The following PALM variants were observed in gnomAD, a reference collection of about 807,000 sequenced individuals.
PALM encodes paralemmin-1.
Under a neutral mutation model 30.7 loss-of-function variants are expected in PALM, and 18 were observed. The observed-to-expected ratio is 0.59, with a 90% CI of 0.41 to 0.87. The LOEUF is 0.87. PALM is among the 40% of genes least tolerant of loss of function. The pLI is 0.00. For synonymous variants in PALM, 286 were observed against 242.8 expected (o/e 1.18, Z -1.66); for missense variants, 529 against 555.4 (o/e 0.95, Z 0.48).
chr19:729,666 T>G (rs1219385019), intron 4 of PALM, among the ~76,000 whole-genome samples: 1 of 151,956 alleles, frequency 6.6e-6, no homozygotes, highest in East Asian at 2.0e-4. Flanking sequence ...TTCACCATGT[T>G]GGTTAGGCTG....
In PALM at chr19:726,161, C is replaced by A. The variant is rs1467966949; in HGVS notation, c.29C>A (p.Ser10Tyr). 3 of 1,613,232 alleles carry A rather than the reference C, an allele frequency of 1.9e-6. No individual in the cohort carries two copies. ...AGGGTCCTGGCGGCAGAGACCACGT[C>A]CCAGCAGGAGCGGCTGCAGGCCATC... Reference protein sequence around the residue: MEVLAAETTSQQERLQAIAE... With the variant: MEVLAAETTYQQERLQAIAE... Residue 10 changes from serine (S) to tyrosine (Y), a missense_variant, in exon 2 of 9, where the codon TCC (serine) becomes TAC (tyrosine). Physicochemically the swap from Ser to Tyr is moderately radical, Grantham distance 144 (BLOSUM62 -2). Transcript: ENST00000338448.
intron 1 of PALM, among the ~76,000 whole-genome samples, chr19:717,362 G>A (rs569582548): frequency 2.5e-4 from 38 of 151,942 alleles, no homozygotes; most frequent in Admixed American, 1.4e-3. Flanking sequence ...TCTCTGGATC[G>A]GCAGGTCCTG....
Position 717,398 on chromosome 19 carries a change from C to T in PALM, c.5+8247C>T, listed in dbSNP as rs72486332. On this transcript the variant is annotated intron_variant, in intron 1 of 8. Coordinates refer to ENST00000338448, the MANE Select transcript of PALM (RefSeq NM_002579.3). ...GACATTTCGTAGACATGGGATCACA[C>T]GCTGCGTGGCCTTCTGTGTCTGGCG... Among the ~76,000 whole-genome samples, 15 of 152,164 alleles carry T rather than the reference C, an allele frequency of 9.9e-5. No individual in the cohort carries two copies. In the East Asian group the frequency reaches 2.1e-3, roughly 22 times the overall value.
At chr19:716,416 A>G (rs971513073) in intron 1 of PALM, among the ~76,000 whole-genome samples, 1 of 151,706 alleles carries the variant, frequency 6.6e-6, no homozygotes, top group African/African-American at 2.4e-5. Context: ...TCTCTCAAAA[A>G]AAAAAAAAAA....
rs550016342 is a variant in PALM, at chr19:719,827, C to A, written c.6-6311C>A. On this transcript the variant is annotated intron_variant, in intron 1 of 8. Transcript: ENST00000338448. The stretch of plus-strand genomic sequence containing the variant: ...CCGCCCTGCCCGGCCTCAGTTTCCC[C>A]GTCGGTGAAATGGGGCTGACCCGGC... Among the ~76,000 whole-genome samples the A allele has an allele frequency of 1.5e-3, 223 of 152,230 alleles. 1 individual carries two copies. The highest frequency in any genetic ancestry group is 5.2e-3 in the African/African-American group (216 of 41,550).
intron 5 of PALM, among the ~76,000 whole-genome samples, chr19:733,016 T>G (rs1307008610): frequency 6.6e-6 from 1 of 151,732 alleles, no homozygotes; most frequent in Non-Finnish European, 1.5e-5. Context: ...AACCTCTACC[T>G]CCTGGGTTCA....
chr19:745,887 C>T (rs375897615), intron 8 of PALM, among the ~76,000 whole-genome samples: 4 of 151,702 alleles, frequency 2.6e-5, no homozygotes, highest in East Asian at 3.9e-4. Flanking sequence ...GGAGAAACCC[C>T]GTCTCTACTA....
intron 1 of PALM, chr19:719,435 C>T: frequency 1.0e-6 from 1 of 985,406 alleles, no homozygotes; most frequent in Middle Eastern, 5.2e-4. Context: ...CCGTAAAAAG[C>T]ATCGCGGGGA....
Position 727,103 on chromosome 19 carries a change from G to T in PALM, c.138+15G>T. On this transcript the variant is annotated intron_variant, in intron 3 of 8. Coordinates refer to ENST00000338448, the MANE Select transcript of PALM (RefSeq NM_002579.3). ...AGCACCTGAAGGTACGAGCGGGGCA[G>T]GGACCCAGGGTCAGGGAGTGCAGGC... is the stretch of plus-strand genomic sequence containing the variant. The T allele has an allele frequency of 6.6e-7, 1 of 1,521,776 alleles. No homozygotes were observed. Among genetic ancestry groups the T allele is most frequent in the Non-Finnish European group, 8.9e-7 (1 of 1,121,650 alleles). 94.3% of individuals were successfully genotyped at this position (1,521,776 alleles called of 1,614,324 possible). A position where few individuals can be genotyped will look rare whatever the true frequency, so the allele number is the denominator to read the frequency against.
At chr19:727,261 C>T (rs1178852816) in intron 3 of PALM, among the ~76,000 whole-genome samples, 173 bp downstream of exon 3, 3 of 89,844 alleles carry the variant, frequency 3.3e-5, no homozygotes, top group Non-Finnish European at 7.2e-5. Flanking sequence ...ACCCTGACCC[C>T]AACCTGACCC....
chr19:738,010 G>A (rs889681887), intron 7 of PALM, among the ~76,000 whole-genome samples: 5 of 152,266 alleles, frequency 3.3e-5, no homozygotes, highest in African/African-American at 1.2e-4. Context: ...GGGGGAGGAG[G>A]CTGGGATGGG....
At position 709,237 on chromosome 19, in the gene PALM, T is replaced by C. The variant is rs532061556; in HGVS notation, c.5+86T>C. On this transcript the variant is annotated intron_variant, in intron 1 of 8. Transcript: ENST00000338448. This position sits in a 1 kb window ranked among gnomAD's most constrained non-coding sequence, Gnocchi z 4.3. ...GGGAGGCCCCCTCTCTCGCGCCCCATTGGGGGCGTCGCTGCCCCCGCGAGG... is the reference window on the plus strand; with the variant it reads ...GGGAGGCCCCCTCTCTCGCGCCCCACTGGGGGCGTCGCTGCCCCCGCGAGG... 400 of 260,536 alleles carry C rather than the reference T, an allele frequency of 1.5e-3. 3 individuals carry two copies. In the East Asian group the frequency reaches 0.018, roughly 12 times the overall value. 16.1% of individuals were successfully genotyped at this position (260,536 alleles called of 1,614,324 possible). A position where few individuals can be genotyped will look rare whatever the true frequency, so the allele number is the denominator to read the frequency against.
rs1351408664 is a variant in PALM, at chr19:709,673, G to A, written c.5+522G>A. ...CCAAGGGCCTCCAGGGGTGTCCTGA[G>A]CCCCCCGCCACTGCGCAGGTCCCGA... On this transcript the variant is annotated intron_variant, in intron 1 of 8. Coordinates refer to ENST00000338448, the MANE Select transcript of PALM (RefSeq NM_002579.3). This position sits in a 1 kb window ranked among gnomAD's most constrained non-coding sequence, Gnocchi z 4.3. Among the ~76,000 whole-genome samples the A allele has an allele frequency of 1.3e-5, 2 of 152,068 alleles. No homozygotes were observed. Among genetic ancestry groups the A allele is most frequent in the Non-Finnish European group, 2.9e-5 (2 of 67,994 alleles).
chr19:709,217 GC>G lies in PALM; in HGVS notation c.5+71del. On this transcript the variant is annotated intron_variant, in intron 1 of 8. Coordinates refer to ENST00000338448, the MANE Select transcript of PALM (RefSeq NM_002579.3). This position sits in a 1 kb window ranked among gnomAD's most constrained non-coding sequence, Gnocchi z 4.3. Reference sequence around the variant, plus strand: ...GCTCCGGGAGCCGGGGAGGGGGGAGGCCCCCTCTCTCGCGCCCCATTGGGGG... The same window carrying G: ...GCTCCGGGAGCCGGGGAGGGGGGAGGCCCCTCTCTCGCGCCCCATTGGGGG... 2 of 302,874 alleles carry G rather than the reference GC, an allele frequency of 6.6e-6. No individual in the cohort carries two copies. Among genetic ancestry groups the G allele is most frequent in the East Asian group, 5.0e-5 (1 of 19,876 alleles). The allele number at this position is 302,874 out of a possible 1,614,324, so 18.8% of individuals were successfully genotyped here. A position where few individuals can be genotyped will look rare whatever the true frequency, so the allele number is the denominator to read the frequency against.
At chr19:745,764 T>G (rs772007927) in intron 8 of PALM, among the ~76,000 whole-genome samples, 14 of 150,452 alleles carry the variant, frequency 9.3e-5, no homozygotes, top group Non-Finnish European at 1.8e-4. Flanking sequence ...GCTTATAAAT[T>G]TTCCTCATTG....
chr19:736,192 G>C, intron 7 of PALM, 114 bp downstream of exon 7: 1 of 742,406 alleles, frequency 1.3e-6, no homozygotes, highest in Middle Eastern at 2.9e-4. Context: ...CGCAGCGTCT[G>C]ACGGGGCCGT....
chr19:715,830 AAC>A lies in PALM; in HGVS notation c.5+6683_5+6684del, dbSNP rs1312239146. On this transcript the variant is annotated intron_variant, in intron 1 of 8. Transcript: ENST00000338448. Reference sequence around the variant, plus strand: ...GCAGGACCCCACGTCTAGGAGGGCAAACACAGGATTCCAGAACTGCGTGTGGT... The same window carrying A: ...GCAGGACCCCACGTCTAGGAGGGCAAACAGGATTCCAGAACTGCGTGTGGT... Among the ~76,000 whole-genome samples, 9 of 152,298 alleles carry A rather than the reference AAC, an allele frequency of 5.9e-5. No individual in the cohort carries two copies. In the South Asian group the frequency reaches 1.2e-3, roughly 21 times the overall value.
At chr19:741,688 C>G (rs978327131) in intron 8 of PALM, among the ~76,000 whole-genome samples, 3 of 151,904 alleles carry the variant, frequency 2.0e-5, no homozygotes, top group Admixed American at 6.6e-5. Context: ...TTTGGGAAGC[C>G]TTGGGTGCGT....
chr19:740,380 G>T lies in PALM; in HGVS notation c.531G>T (p.Glu177Asp). ...TGTACTCGGTTGAGATCACTGTGGA[G>T]AAGGACAAGGTGACAGGGGAGACCA... Reference protein sequence around the residue: ...AAMYSVEITVEKDKVTGETRV... With the variant: ...AAMYSVEITVDKDKVTGETRV... Residue 177 changes from glutamate to aspartate, a missense_variant, in exon 8 of 9, where the codon GAG (glutamate) becomes GAT (aspartate). Physicochemically the swap from Glu to Asp is conservative, Grantham distance 45 (BLOSUM62 2). Transcript: ENST00000338448. 1 of 1,564,320 alleles carries T rather than the reference G, an allele frequency of 6.4e-7. No homozygotes were observed. The highest frequency in any genetic ancestry group is 2.4e-5 in the East Asian group (1 of 42,046).
Sources: gnomAD v4.1 joint callset for allele counts (sites outside exome capture counted in the v4.1 genomes callset) on GRCh38, gnomAD v4.1.1 for gene constraint, Gnocchi (gnomAD v3.1) non-coding constraint, MANE v1.5 for transcripts, NCBI Gene and HGNC (gene_info 2026-07-23, HGNC 2026-07-21) for gene names.